Variants in AGMO observed in about 807,000 individuals in gnomAD.
The protein encoded by AGMO is glyceryl-ether monooxygenase.
AGMO carries 75 observed loss-of-function variants against 60.2 expected under a neutral mutation model. The observed-to-expected ratio is 1.25, with a 90% confidence interval of 1.03 to 1.51. The LOEUF is 1.51. AGMO is among the 40% of genes most tolerant of loss of function. AGMO has a pLI of 0.00. For missense variants in AGMO, 763 were observed against 525.5 expected, an observed-to-expected ratio of 1.45 and a Z score of -4.42; for synonymous variants, 261 against 177.1, an observed-to-expected ratio of 1.47 and a Z score of -3.76.
chr7:15,416,682 T>C (rs1297475240), intron 5 of AGMO, among the ~76,000 whole-genome samples: 1 of 152,186 alleles, frequency 6.6e-6, no homozygotes, highest in Non-Finnish European at 1.5e-5. Context: ...TTTCTGTCAA[T>C]GGAGATCCAA....
intron 5 of AGMO, among the ~76,000 whole-genome samples, chr7:15,411,028 G>A (rs1780578446): frequency 6.6e-6 from 1 of 151,952 alleles, no homozygotes. Context: ...TAGGTCATTA[G>A]GGTTTTGTCT....
chr7:15,411,921 T>TA (rs538847037), intron 5 of AGMO, among the ~76,000 whole-genome samples: 1 of 152,210 alleles, frequency 6.6e-6, no homozygotes, highest in South Asian at 2.1e-4. Flanking sequence ...GAAGATTAGA[T>TA]AAATACTCTT....
chr7:15,382,574 T>C (rs902786219), intron 10 of AGMO, among the ~76,000 whole-genome samples: 7 of 152,170 alleles, frequency 4.6e-5, no homozygotes, highest in Non-Finnish European at 8.8e-5. Flanking sequence ...TGTAGAAGTA[T>C]TGAATTTGCT....
At chr7:15,249,868 T>C (rs1782881286) in intron 12 of AGMO, among the ~76,000 whole-genome samples, 1 of 152,226 alleles carries the variant, frequency 6.6e-6, no homozygotes, top group Non-Finnish European at 1.5e-5. Flanking sequence ...TTCAATGGTT[T>C]CTAAAATTTA....
intron 12 of AGMO, among the ~76,000 whole-genome samples, chr7:15,210,596 A>G (rs530604251): frequency 6.6e-6 from 1 of 152,252 alleles, no homozygotes; most frequent in African/African-American, 2.4e-5. Context: ...AGCTTCAGTA[A>G]TCTATATTAC....
chr7:15,439,974 C>G (rs1467398122), intron 3 of AGMO, among the ~76,000 whole-genome samples: 2 of 152,124 alleles, frequency 1.3e-5, no homozygotes, highest in Admixed American at 6.5e-5. Context: ...TCCAAAACCA[C>G]AAAACACCAA....
chr7:15,301,503 G>GT (rs11399032), intron 12 of AGMO, among the ~76,000 whole-genome samples: 9,343 of 150,852 alleles, frequency 0.062, 931 homozygotes, highest in African/African-American at 0.21. Flanking sequence ...CTGTTTGCTT[G>GT]TTTTTTTTTA....
intron 3 of AGMO, among the ~76,000 whole-genome samples, chr7:15,436,308 G>A (rs1403826097): frequency 9.0e-6 from 1 of 110,674 alleles, no homozygotes; most frequent in Non-Finnish European, 2.0e-5. Context: ...CAAGATCAAG[G>A]CACTGGTAGG....
intron 3 of AGMO, among the ~76,000 whole-genome samples, chr7:15,513,435 A>G (rs1222545405): frequency 6.6e-6 from 1 of 152,126 alleles, no homozygotes; most frequent in African/African-American, 2.4e-5. Flanking sequence ...CAGAATCAAG[A>G]CAATATTTTC....
At chr7:15,183,411 T>C in the AGMO span, among the ~76,000 whole-genome samples, 21,031 of 152,150 alleles carry the variant, frequency 0.14, 2,027 homozygotes, top group East Asian at 0.47. Context: ...AATATTCTGA[T>C]ACAATTTACA....
chr7:15,367,079 A>G (rs1419575777), intron 10 of AGMO, among the ~76,000 whole-genome samples: 1 of 151,964 alleles, frequency 6.6e-6, no homozygotes, highest in East Asian at 1.9e-4. Flanking sequence ...ATTCTTTTGG[A>G]AAAATGAACC....
At chr7:15,455,507 T>C (rs1781977900) in intron 3 of AGMO, among the ~76,000 whole-genome samples, 1 of 152,136 alleles carries the variant, frequency 6.6e-6, no homozygotes, top group Non-Finnish European at 1.5e-5. Flanking sequence ...CTTTAATCTC[T>C]CTCCTGATGG....
At chr7:15,439,488 A>T (rs1781491390) in intron 3 of AGMO, among the ~76,000 whole-genome samples, 2 of 152,132 alleles carry the variant, frequency 1.3e-5, no homozygotes, top group African/African-American at 4.8e-5. Context: ...TTCACTTTGT[A>T]CTCTGCCCCT....
chr7:15,224,818 G>T (rs544951548), intron 12 of AGMO, among the ~76,000 whole-genome samples: 1 of 151,916 alleles, frequency 6.6e-6, no homozygotes, highest in South Asian at 2.1e-4. Flanking sequence ...AGCAAATTTG[G>T]CAGTATAGGC....
the AGMO span, among the ~76,000 whole-genome samples, chr7:15,189,319 T>C: frequency 5.9e-5 from 9 of 152,092 alleles, no homozygotes; most frequent in Admixed American, 5.2e-4. Flanking sequence ...AGATTCTAAC[T>C]GATTTTAAGT....
At chr7:15,394,586 C>G (rs1784294741) in intron 5 of AGMO, among the ~76,000 whole-genome samples, 1 of 152,170 alleles carries the variant, frequency 6.6e-6, no homozygotes, top group Non-Finnish European at 1.5e-5. Context: ...ACCACTATCA[C>G]CAAGGCACAC....
intron 3 of AGMO, among the ~76,000 whole-genome samples, chr7:15,535,673 A>C (rs1302638304): frequency 6.6e-6 from 1 of 151,970 alleles, no homozygotes; most frequent in African/African-American, 2.4e-5. Context: ...GGTACATACT[A>C]GGTGTATATA....
chr7:15,484,157 T>A (rs2128518549), intron 3 of AGMO, among the ~76,000 whole-genome samples: 1 of 152,184 alleles, frequency 6.6e-6, no homozygotes, highest in East Asian at 1.9e-4. Flanking sequence ...AAAAAGACAT[T>A]GCAAAAGCCC....
intron 12 of AGMO, among the ~76,000 whole-genome samples, chr7:15,217,997 A>G (rs1009646057): frequency 6.6e-6 from 1 of 152,114 alleles, no homozygotes; most frequent in East Asian, 1.9e-4. Context: ...AAACTAAATG[A>G]CAACGAATAT....
Sources: allele counts gnomAD v4.1 joint callset (sites outside exome capture counted in the v4.1 genomes callset), GRCh38; gene constraint gnomAD v4.1.1; transcripts MANE v1.5; gene names NCBI Gene and HGNC (gene_info 2026-07-23, HGNC 2026-07-21).